IGFL4: variants seen among roughly 807,000 people sequenced by gnomAD.
IGFL4 encodes the protein insulin growth factor-like family member 4.
IGFL4 carries 12 observed loss-of-function variants against 15.4 expected under a neutral mutation model. The observed-to-expected ratio is 0.78, with a 90% CI of 0.50 to 1.26. The LOEUF is 1.26. Ranked by LOEUF, IGFL4 falls within the 50% of genes most tolerant of loss-of-function variation. The probability of loss-of-function intolerance (pLI) is 0.00; values close to 1 mark genes in which losing one functional copy is unlikely to be tolerated. For synonymous variants in IGFL4, 54 were observed against 55.9 expected (o/e 0.97, Z 0.16); for missense variants, 126 against 147.8 (o/e 0.85, Z 0.76).
rs1042811416 is a variant in IGFL4, at chr19:46,055,890, C to T, written c.-323+4295G>A. Reference sequence around the variant, plus strand: ...CTGCTGGGTTTAAGTGATTCTCCCGCCTCAGCCTCCCGAGTAGCTAGGATT... The same window carrying T: ...CTGCTGGGTTTAAGTGATTCTCCCGTCTCAGCCTCCCGAGTAGCTAGGATT... On this transcript the variant is annotated intron_variant, in intron 2 of 5. Transcript: ENST00000601672. Among the ~76,000 whole-genome samples, 11 of 152,280 alleles carry T rather than the reference C, an allele frequency of 7.2e-5. No homozygotes were observed. The Middle Eastern group carries it at 0.01, about 141-fold the overall frequency.
At chr19:46,052,421 T>C (rs1159417211) in intron 2 of IGFL4, among the ~76,000 whole-genome samples, 3 of 151,986 alleles carry the variant, frequency 2.0e-5, no homozygotes, top group Non-Finnish European at 4.4e-5. Context: ...AAGATAGAAA[T>C]TGAAAAATTC....
At chr19:46,057,815 C>A (rs908761471) in intron 2 of IGFL4, 3 of 152,144 alleles carry the variant, frequency 2.0e-5, no homozygotes, top group Non-Finnish European at 4.4e-5. Context: ...AGGGAACTCT[C>A]ATTTATAAAA....
At position 46,040,326 on chromosome 19, in the gene IGFL4, A is replaced by G. The variant is rs368756760; in HGVS notation, c.161T>C (p.Leu54Pro). Reference sequence around the variant, plus strand: ...GCAGAGCCGGGTCTGGTTCAAGTCTAGGATGACACCGTCATCACAGCACTG... The same window carrying G: ...GCAGAGCCGGGTCTGGTTCAAGTCTGGGATGACACCGTCATCACAGCACTG... ...LEQCCDDGVI[L>P]DLNQTRLCGS... is the part of the protein sequence containing the mutation. Residue 54 changes from leucine to proline, a missense_variant, in exon 3 of 4, where the codon CTA (leucine) becomes CCA (proline). By Grantham distance (98) the Leu-to-Pro change is moderately conservative. Transcript: ENST00000377697. The surrounding 1 kb of genome is among the most constrained non-coding windows in gnomAD (Gnocchi z 4.1). 71 of 1,614,194 alleles carry G rather than the reference A, an allele frequency of 4.4e-5. No homozygotes were observed. The Middle Eastern group carries it at 6.6e-4, about 15-fold the overall frequency.
chr19:46,058,581 A>T (rs1053658364), intron 2 of IGFL4: 3 of 152,142 alleles, frequency 2.0e-5, no homozygotes, highest in Non-Finnish European at 2.9e-5. Context: ...TCCCTTCTTC[A>T]TTGCCCTAGC....
chr19:46,054,348 T>C (rs1238841861), intron 2 of IGFL4, among the ~76,000 whole-genome samples: 1 of 152,224 alleles, frequency 6.6e-6, no homozygotes, highest in Non-Finnish European at 1.5e-5. Context: ...CCCAGCAGTA[T>C]GTATTAAAGA....
intron 1 of IGFL4, among the ~76,000 whole-genome samples, chr19:46,076,197 A>G (rs1969594091): frequency 6.6e-6 from 1 of 152,224 alleles, no homozygotes; most frequent in African/African-American, 2.4e-5. Flanking sequence ...TCGTGACCTA[A>G]TCATCTCCTA....
At chr19:46,041,025 A>C, upstream of IGFL4, 1 of 1,466,298 alleles carries the variant, frequency 6.8e-7, no homozygotes, top group Non-Finnish European at 9.2e-7. Context: ...GACTTTACAT[A>C]GGGGCTTATA....
chr19:46,044,724 C>T (rs1281760504), upstream of IGFL4, among the ~76,000 whole-genome samples: 1 of 152,174 alleles, frequency 6.6e-6, no homozygotes, highest in Non-Finnish European at 1.5e-5. Context: ...TCTCCAGCCA[C>T]CTCCTACAGG....
intron 2 of IGFL4, among the ~76,000 whole-genome samples, chr19:46,053,117 T>TTGTTCA (rs1969362975): frequency 2.0e-5 from 3 of 152,220 alleles, no homozygotes; most frequent in Admixed American, 2.0e-4. Flanking sequence ...GGTTGGCTAA[T>TTGTTCA]AATAACAATT....
At position 46,039,913 on chromosome 19, in the gene IGFL4, C is replaced by T. The variant is rs750716879; in HGVS notation, c.354G>A (p.Val118=). The change falls in exon 4 of 4, where the codon GTG becomes GTA. Residue 118 remains valine, a synonymous_variant. Transcript: ENST00000377697. ...CAQEYHPKSP[V]SRSDLI ...CAGTCTAGATGAGGTCAGATCTTGA[C>T]ACAGGGCTTTTTGGGTGGTATTCCT... is the stretch of plus-strand genomic sequence containing the variant. The T allele has an allele frequency of 3.7e-6, 6 of 1,613,404 alleles. No homozygotes were observed. In the East Asian group the frequency reaches 1.3e-4, roughly 36 times the overall value.
intron 2 of IGFL4, among the ~76,000 whole-genome samples, chr19:46,056,156 A>G (rs942429091): frequency 2.6e-5 from 4 of 152,232 alleles, no homozygotes; most frequent in Admixed American, 2.0e-4. Flanking sequence ...AATCAATAGG[A>G]CTTGCAGAAG....
chr19:46,047,775 A>C (rs1600670683), intron 2 of IGFL4, among the ~76,000 whole-genome samples: 2 of 152,318 alleles, frequency 1.3e-5, no homozygotes, highest in Non-Finnish European at 2.9e-5. Context: ...TTGGGGGGTA[A>C]TAAATAGCCT....
intron 1 of IGFL4, among the ~76,000 whole-genome samples, chr19:46,070,281 T>C (rs2146529086): frequency 6.6e-6 from 1 of 152,206 alleles, no homozygotes; most frequent in East Asian, 1.9e-4. Flanking sequence ...TTACTATACA[T>C]TTTCTCTGAG....
Position 46,040,221 on chromosome 19 carries a change from C to G in IGFL4, c.266G>C (p.Arg89Thr), listed in dbSNP as rs766041350. 7 of 1,614,064 alleles carry G rather than the reference C, an allele frequency of 4.3e-6. No homozygotes were observed. The highest frequency in any genetic ancestry group is 5.9e-6 in the Non-Finnish European group (7 of 1,180,042). The change falls in exon 3 of 4, where the codon AGG (arginine) becomes ACG (threonine). Residue 89 changes from arginine to threonine, a missense_variant. Arg to Thr is a moderately conservative substitution (Grantham distance 71, BLOSUM62 -1). Coordinates refer to ENST00000377697, the MANE Select transcript of IGFL4 (RefSeq NM_001002923.3). This position sits in a 1 kb window ranked among gnomAD's most constrained non-coding sequence, Gnocchi z 4.1. ...TGGCTTCATGCCTGGGACCTTGAAC[C>G]TCACAACTGTCTGGTTCTGAGAGCC... ...SLGSQNQTVV[R>T]FKVPGMKPDC...
chr19:46,049,041 A>G (rs1171466536), intron 2 of IGFL4, among the ~76,000 whole-genome samples: 1 of 152,248 alleles, frequency 6.6e-6, no homozygotes, highest in Non-Finnish European at 1.5e-5. Flanking sequence ...TACAGTAACC[A>G]AAACAGCATG....
chr19:46,062,830 A>G (rs988510068), intron 1 of IGFL4: 1 of 152,300 alleles, frequency 6.6e-6, no homozygotes, highest in African/African-American at 2.4e-5. Flanking sequence ...CAGTCCCATC[A>G]GCTCTCAAGT....
At chr19:46,044,892 CCTGA>C (rs34029071), upstream of IGFL4, among the ~76,000 whole-genome samples, 69,945 of 151,536 alleles carry the variant, frequency 0.46, 16,990 homozygotes, top group Non-Finnish European at 0.54. Context: ...GGAATAGTGG[CCTGA>C]CTGTTAAAAG....
At chr19:46,041,226 C>T (rs908235850), upstream of IGFL4, 10 of 423,476 alleles carry the variant, frequency 2.4e-5, no homozygotes, top group African/African-American at 6.2e-5. Flanking sequence ...TACCCAGGAA[C>T]CTATCTAAGC....
chr19:46,065,703 C>T (rs893191630), intron 1 of IGFL4, among the ~76,000 whole-genome samples: 2 of 152,224 alleles, frequency 1.3e-5, no homozygotes, highest in Non-Finnish European at 2.9e-5. Context: ...GATTCCAATC[C>T]GGGCCTTAGC....
Sources: gnomAD v4.1 joint callset for allele counts (sites outside exome capture counted in the v4.1 genomes callset) on GRCh38, gnomAD v4.1.1 for gene constraint, Gnocchi (gnomAD v3.1) non-coding constraint, MANE v1.5 for transcripts, NCBI Gene and HGNC (gene_info 2026-07-23, HGNC 2026-07-21) for gene names.